The following NIM1K variants were observed in gnomAD, a reference collection of about 807,000 sequenced individuals.
The protein encoded by NIM1K is serine/threonine-protein kinase NIM1.
NIM1K carries 35 observed loss-of-function variants against 37.1 expected under a neutral mutation model. That is an observed-to-expected ratio of 0.94 (90% CI 0.72 to 1.25). The LOEUF is 1.25. Among genes scored for constraint, NIM1K ranks in the 50% most tolerant of loss-of-function variants. The pLI, the probability that NIM1K is intolerant of heterozygous loss-of-function variation, is 0.00. For synonymous variants in NIM1K, 234 were observed against 206.6 expected, an observed-to-expected ratio of 1.13 and a Z score of -1.14; for missense variants, 564 against 548.0, an observed-to-expected ratio of 1.03 and a Z score of -0.29.
intron 2 of NIM1K, among the ~76,000 whole-genome samples, chr5:43,250,680 C>G (rs1208548728): frequency 6.6e-6 from 1 of 152,120 alleles, no homozygotes. Flanking sequence ...AAAATCGAGA[C>G]AGAAGATGTG....
intron 1 of NIM1K, among the ~76,000 whole-genome samples, chr5:43,239,436 C>T (rs1226395988): frequency 1.3e-5 from 2 of 151,904 alleles, no homozygotes; most frequent in Non-Finnish European, 2.9e-5. Context: ...GTCTGGGTTT[C>T]ACTATGTTGG....
chr5:43,257,653 G>A (rs1752966830), intron 2 of NIM1K, among the ~76,000 whole-genome samples: 1 of 151,942 alleles, frequency 6.6e-6, no homozygotes, highest in African/African-American at 2.4e-5. Context: ...GCCCAGTTTT[G>A]ACCAACTCTT....
At chr5:43,277,800 G>A (rs976404042) in intron 3 of NIM1K, among the ~76,000 whole-genome samples, 14 of 145,534 alleles carry the variant, frequency 9.6e-5, no homozygotes, top group African/African-American at 3.8e-4. Context: ...GTGTGTGTGT[G>A]TGTGTGTGTG....
At chr5:43,201,300 T>C (rs977038305) in intron 1 of NIM1K, among the ~76,000 whole-genome samples, 4 of 151,496 alleles carry the variant, frequency 2.6e-5, no homozygotes, top group African/African-American at 9.7e-5. Flanking sequence ...TCCCAGCTAC[T>C]GGGGAGGCTG....
chr5:43,232,614 G>C, intron 1 of NIM1K: 1 of 1,561,644 alleles, frequency 6.4e-7, no homozygotes, highest in Non-Finnish European at 8.7e-7. Flanking sequence ...TGAGGATGGA[G>C]TTGTAGGGCT....
chr5:43,215,474 G>A (rs1752285589), intron 1 of NIM1K, among the ~76,000 whole-genome samples: 1 of 152,128 alleles, frequency 6.6e-6, no homozygotes, highest in Non-Finnish European at 1.5e-5. Flanking sequence ...TGGCTCTGTT[G>A]CCCAGGCTGG....
chr5:43,272,324 G>A (rs962070663), intron 2 of NIM1K, among the ~76,000 whole-genome samples: 2 of 151,792 alleles, frequency 1.3e-5, no homozygotes, highest in Non-Finnish European at 2.9e-5. Context: ...CTAACCCCCA[G>A]ACCAGGAGTA....
At chr5:43,214,542 G>A (rs527365666) in intron 1 of NIM1K, among the ~76,000 whole-genome samples, 7 of 149,354 alleles carry the variant, frequency 4.7e-5, no homozygotes, top group Admixed American at 1.3e-4. Flanking sequence ...TTTGCCGGGC[G>A]CGGTGGCTTA....
At chr5:43,248,988 C>T (rs868747136) in intron 2 of NIM1K, among the ~76,000 whole-genome samples, 1 of 151,942 alleles carries the variant, frequency 6.6e-6, no homozygotes, top group African/African-American at 2.4e-5. Flanking sequence ...GATTCTCCTG[C>T]CTCATCCCGA....
At chr5:43,227,044 G>C (rs926337570) in intron 1 of NIM1K, among the ~76,000 whole-genome samples, 2 of 152,180 alleles carry the variant, frequency 1.3e-5, no homozygotes, top group Admixed American at 6.5e-5. Flanking sequence ...TGCCTAGCTG[G>C]AAGAGTTGCT....
At chr5:43,222,288 T>C (rs894052818) in intron 1 of NIM1K, among the ~76,000 whole-genome samples, 1 of 152,148 alleles carries the variant, frequency 6.6e-6, no homozygotes, top group Non-Finnish European at 1.5e-5. Context: ...ACAGGATGAA[T>C]TTATAATAAT....
intron 1 of NIM1K, among the ~76,000 whole-genome samples, 188 bp downstream of exon 1, chr5:43,192,599 A>G (rs1269570269): frequency 3.3e-5 from 5 of 151,978 alleles, no homozygotes; most frequent in Non-Finnish European, 7.4e-5. Flanking sequence ...TCTGGGGCGT[A>G]CCCCCACACC....
At chr5:43,246,383 A>G (rs1752779480) in intron 2 of NIM1K, among the ~76,000 whole-genome samples, 3 of 151,714 alleles carry the variant, frequency 2.0e-5, no homozygotes, top group Admixed American at 2.0e-4. Context: ...CCACTCAAAC[A>G]TGAGAAGAAT....
chr5:43,225,021 A>T (rs1752434956), intron 1 of NIM1K, among the ~76,000 whole-genome samples: 1 of 152,196 alleles, frequency 6.6e-6, no homozygotes, highest in Non-Finnish European at 1.5e-5. Context: ...AGGGGGACAG[A>T]TACAAAAAGA....
At chr5:43,203,960 A>T (rs1303576313) in intron 1 of NIM1K, among the ~76,000 whole-genome samples, 1 of 151,686 alleles carries the variant, frequency 6.6e-6, no homozygotes, top group East Asian at 2.0e-4. Context: ...CAGGAGGCAG[A>T]AGTTGCAATG....
At chr5:43,239,781 C>T (rs1383098109) in intron 1 of NIM1K, among the ~76,000 whole-genome samples, 1 of 152,082 alleles carries the variant, frequency 6.6e-6, no homozygotes, top group Non-Finnish European at 1.5e-5. Flanking sequence ...GCATGCCTGG[C>T]CTCCACTCTT....
At chr5:43,257,436 C>T (rs1291034933) in intron 2 of NIM1K, among the ~76,000 whole-genome samples, 2 of 137,822 alleles carry the variant, frequency 1.5e-5, no homozygotes, top group African/African-American at 2.8e-5. Flanking sequence ...GGCATGATCT[C>T]GGCTCACTGC....
intron 2 of NIM1K, among the ~76,000 whole-genome samples, chr5:43,271,445 A>G (rs10805671): frequency 0.38 from 57,159 of 152,060 alleles, 12,927 homozygotes; most frequent in East Asian, 0.78. Context: ...GTGATTATAT[A>G]TATTGAAAAT....
intron 1 of NIM1K, among the ~76,000 whole-genome samples, chr5:43,208,652 A>G (rs986518161): frequency 2.6e-5 from 4 of 152,204 alleles, no homozygotes; most frequent in Non-Finnish European, 5.9e-5. Context: ...TGTTCCAGTT[A>G]GGGGAAACTG....
Sources: gnomAD v4.1 joint callset for allele counts (sites outside exome capture counted in the v4.1 genomes callset) on GRCh38, gnomAD v4.1.1 for gene constraint, MANE v1.5 for transcripts, NCBI Gene and HGNC (gene_info 2026-07-23, HGNC 2026-07-21) for gene names.